The following TTN variants were observed in gnomAD, a reference collection of about 807,000 sequenced individuals.
TTN encodes the protein titin.
TTN carries 1,525 observed loss-of-function variants against 3,223.0 expected under a neutral mutation model. The ratio of observed to expected loss-of-function variants is 0.47; its 90% CI spans 0.45 to 0.49. The LOEUF (loss-of-function observed/expected upper bound fraction) is 0.49, where lower values mean the gene tolerates loss of function less well. Among genes scored for constraint, TTN ranks in the 20% least tolerant of loss-of-function variants. TTN has a pLI of 0.00. For missense variants in TTN, 40,786 were observed against 43,424.0 expected (o/e 0.94, Z 5.40); for synonymous variants, 14,094 against 15,161.0 (o/e 0.93, Z 5.17).
At position 178,612,719 on chromosome 2, in the gene TTN, T is replaced by G. The variant is rs1201881086; in HGVS notation, c.49948+54A>C. 12 of 1,562,676 alleles carry G rather than the reference T, an allele frequency of 7.7e-6. No homozygotes were observed. In the Admixed American group the frequency reaches 2.1e-4, roughly 28 times the overall value. On this transcript the variant is annotated intron_variant, in intron 265 of 362. Transcript: ENST00000589042. Reference sequence around the variant, plus strand: ...TTTTCATATTTTCTCATATCGTAGCTCACAGGCAGATATTAGAAGAATTTA... The same window carrying G: ...TTTTCATATTTTCTCATATCGTAGCGCACAGGCAGATATTAGAAGAATTTA...
chr2:178,547,111 CAGTT>C lies in TTN; in HGVS notation c.94410_94413del (p.Thr31471ValfsTer2). 1 of 1,613,780 alleles carries C rather than the reference CAGTT, an allele frequency of 6.2e-7. No individual in the cohort carries two copies. The highest frequency in any genetic ancestry group is 8.5e-7 in the Non-Finnish European group (1 of 1,179,744). ...TGATATTCCAGTCCTTCTACTAAAC[CAGTT>C]ACTTTGTAGTTGCACTCTAAGCATG... On this transcript the variant is annotated frameshift_variant, in exon 340 of 363. Transcript: ENST00000589042. LOFTEE classifies it high-confidence loss of function.
Position 178,696,096 on chromosome 2 carries a change from C to A in TTN, c.30976G>T (p.Val10326Leu). 6.4e-7 allele frequency: 1 copy of A among 1,551,330 alleles called. No individual in the cohort carries two copies. Among genetic ancestry groups the A allele is most frequent in the Non-Finnish European group, 8.7e-7 (1 of 1,146,758 alleles). Residue 10326 changes from valine (V) to leucine (L), a missense_variant, in exon 114 of 363, where the codon GTA becomes TTA. By Grantham distance (32) the Val-to-Leu change is conservative. Coordinates refer to ENST00000589042, the MANE Select transcript of TTN (RefSeq NM_001267550.2). ...SFEEPYDELE[V>L]EPYTEPFEQP... Reference sequence around the variant, plus strand: ...TCAAATGGCTCTGTGTATGGTTCTACCTCCAGTTCGTCATAAGGTTCTTCG... The same window carrying A: ...TCAAATGGCTCTGTGTATGGTTCTAACTCCAGTTCGTCATAAGGTTCTTCG...
At position 178,664,029 on chromosome 2, in the gene TTN, A is replaced by T; in HGVS notation, c.36350T>A (p.Val12117Asp). The T allele has an allele frequency of 1.2e-6, 2 of 1,613,350 alleles. No homozygotes were observed. Among genetic ancestry groups the T allele is most frequent in the Non-Finnish European group, 1.7e-6 (2 of 1,179,752 alleles). The stretch of plus-strand genomic sequence containing the variant: ...GTGACAAATACCTTTAACAGGTGGG[A>T]CTTCAGGCTTTTTAGGAGGCACCAC... ...VSVVPPKKPE[V>D]PPVKVPEASK... The change falls in exon 169 of 363, where the codon GTC becomes GAC. Residue 12117 changes from valine to aspartate, a missense_variant. Physicochemically the swap from Val to Asp is radical, Grantham distance 152. Coordinates refer to ENST00000589042, the MANE Select transcript of TTN (RefSeq NM_001267550.2).
intron 100 of TTN, among the ~76,000 whole-genome samples, chr2:178,707,292 AAAG>A (rs1449358898): frequency 6.6e-6 from 1 of 152,204 alleles, no homozygotes; most frequent in Non-Finnish European, 1.5e-5. Context: ...GATATGGTGA[AAAG>A]AAGTTCAAGA....
Position 178,727,846 on chromosome 2 carries a change from C to T in TTN, c.19732G>A (p.Val6578Met). The stretch of plus-strand genomic sequence containing the variant: ...ATGGCTTGCTGTCGCCCAGGTTTCA[C>T]TAGGAAGCTTGGTGGTTCTATAGAT... ...LTVKEPPSFL[V>M]KPGRQQAIPD... Residue 6578 changes from valine (V) to methionine (M), a missense_variant, in exon 68 of 363, where the codon GTG (valine) becomes ATG (methionine). Coordinates refer to ENST00000589042, the MANE Select transcript of TTN (RefSeq NM_001267550.2). 1 of 1,591,202 alleles carries T rather than the reference C, an allele frequency of 6.3e-7. No homozygotes were observed. The highest frequency in any genetic ancestry group is 8.5e-7 in the Non-Finnish European group (1 of 1,169,714).
rs2081058208 is a variant in TTN, at chr2:178,734,308, T to C, written c.15496+20A>G. ...AGTTTGACAATTTATTAAAGAGACA[T>C]TAGTTTTTCAAGCACTAACCTTTGA... On this transcript the variant is annotated intron_variant, in intron 52 of 362. Coordinates refer to ENST00000589042, the MANE Select transcript of TTN (RefSeq NM_001267550.2). 1 of 1,544,974 alleles carries C rather than the reference T, an allele frequency of 6.5e-7. No homozygotes were observed. Among genetic ancestry groups the C allele is most frequent in the Middle Eastern group, 1.7e-4 (1 of 5,748 alleles).
Position 178,582,081 on chromosome 2 carries a change from T to C in TTN, c.66288A>G (p.Glu22096=), listed in dbSNP as rs368297582. 9 of 1,613,082 alleles carry C rather than the reference T, an allele frequency of 5.6e-6. No homozygotes were observed. The African/African-American group carries it at 9.4e-5, about 17-fold the overall frequency. The change falls in exon 315 of 363, where the codon GAA becomes GAG. Residue 22096 remains glutamate (E), a synonymous_variant. Transcript: ENST00000589042. ...PITGYLLEKR[E]TQAVNWTKVN... is the part of the protein sequence containing the mutation. The stretch of plus-strand genomic sequence containing the variant: ...CCTTAGTCCAGTTAACAGCCTGGGT[T>C]TCCCGCTTTTCAAGCAAATAGCCAG...
intron 221 of TTN, 37 bp downstream of exon 221, chr2:178,640,504 T>G: frequency 6.4e-7 from 1 of 1,564,834 alleles, no homozygotes; most frequent in Non-Finnish European, 8.8e-7. Flanking sequence ...CATATTTGCA[T>G]TTTTAGAGAC....
chr2:178,680,660 T>G (rs1330014656), intron 138 of TTN, among the ~76,000 whole-genome samples: 2 of 151,954 alleles, frequency 1.3e-5, no homozygotes, highest in African/African-American at 4.8e-5. Context: ...ATACTTAGTA[T>G]GAATCAGGGG....
chr2:178,714,933 G>A, intron 90 of TTN, 53 bp downstream of exon 90: 4 of 1,561,634 alleles, frequency 2.6e-6, no homozygotes, highest in Non-Finnish European at 2.6e-6. Flanking sequence ...GGGCAACAGA[G>A]TATTACAATT....
At position 178,591,253 on chromosome 2, in the gene TTN, C is replaced by T. The variant is rs375009570; in HGVS notation, c.60472G>A (p.Gly20158Ser). 35 of 1,613,100 alleles carry T rather than the reference C, an allele frequency of 2.2e-5. No homozygotes were observed. The highest frequency in any genetic ancestry group is 8.9e-5 in the East Asian group (4 of 44,812). ...EYQITVSNAA[G>S]SKTVAVHLTV... ...AGATGTACGGCTACTGTTTTGCTAC[C>T]GGCTGCATTGGAAACTGTGATTTGA... Residue 20158 changes from glycine to serine, a missense_variant, in exon 304 of 363, where the codon GGT (glycine) becomes AGT (serine). Physicochemically the swap from Gly to Ser is moderately conservative, Grantham distance 56 (BLOSUM62 0). Coordinates refer to ENST00000589042, the MANE Select transcript of TTN (RefSeq NM_001267550.2).
At chr2:178,779,204 G>A in intron 23 of TTN, 25 bp downstream of exon 23, 2 of 1,612,996 alleles carry the variant, frequency 1.2e-6, no homozygotes, top group Non-Finnish European at 1.7e-6. Context: ...GTGGCAAGGA[G>A]CTATGATAAA....
rs956129765 is a variant in TTN, at chr2:178,541,297, C to T, written c.97780G>A (p.Ala32594Thr). Residue 32594 changes from alanine (A) to threonine (T), a missense_variant, in exon 350 of 363, where the codon GCC becomes ACC. Transcript: ENST00000589042. ...ATGTCCTTACCAATTGGATCCATGG[C>T]AACGATGGGTTTGGAAGGACGACTT... ...KPSRPSKPIV[A>T]MDPIAPPGKP... The T allele has an allele frequency of 4.0e-6, 6 of 1,511,238 alleles. No individual in the cohort carries two copies. The highest frequency in any genetic ancestry group is 2.7e-5 in the African/African-American group (2 of 72,826). The allele number at this position is 1,511,238 out of a possible 1,614,324, so 93.6% of individuals were successfully genotyped here. A position where few individuals can be genotyped will look rare whatever the true frequency, so the allele number is the denominator to read the frequency against.
chr2:178,640,044 T>C lies in TTN; in HGVS notation c.40786+4A>G. The C allele has an allele frequency of 6.2e-7, 1 of 1,612,158 alleles. No homozygotes were observed. Among genetic ancestry groups the C allele is most frequent in the Non-Finnish European group, 8.5e-7 (1 of 1,178,732 alleles). On this transcript the variant is annotated splice_donor_region_variant and intron_variant, in intron 222 of 362. Transcript: ENST00000589042. Reference sequence around the variant, plus strand: ...CTGTTGACATTGAGGATAAGCTTGCTCACCTGCTTCGGGCTTTGGTTTCGG... The same window carrying C: ...CTGTTGACATTGAGGATAAGCTTGCCCACCTGCTTCGGGCTTTGGTTTCGG...
rs949214217 is a variant in TTN, at chr2:178,756,712, C to T, written c.10764G>A (p.Lys3588=). ...CCTTTTGAGATATTTTGCTCTCCTC[C>T]TTTGTGAAAGAGGAATCTGCCACTG... is the stretch of plus-strand genomic sequence containing the variant. ...SQAVADSSFT[K]EESKISQKEI... The change falls in exon 46 of 363, where the codon AAG becomes AAA. Residue 3588 remains lysine (K), a synonymous_variant. Coordinates refer to ENST00000589042, the MANE Select transcript of TTN (RefSeq NM_001267550.2). 6.2e-7 allele frequency: 1 copy of T among 1,613,754 alleles called. No homozygotes were observed. The highest frequency in any genetic ancestry group is 8.5e-7 in the Non-Finnish European group (1 of 1,179,762).
Position 178,548,864 on chromosome 2 carries a change from G to A in TTN, c.92762C>T (p.Thr30921Ile), listed in dbSNP as rs1193938196. 6.2e-7 allele frequency: 1 copy of A among 1,613,528 alleles called. No homozygotes were observed. Among genetic ancestry groups the A allele is most frequent in the Admixed American group, 1.7e-5 (1 of 59,992 alleles). The change falls in exon 339 of 363, where the codon ACA becomes ATA. Residue 30921 changes from threonine (T) to isoleucine (I), a missense_variant. Thr to Ile is a moderately conservative substitution (Grantham distance 89, BLOSUM62 -1). Transcript: ENST00000589042. The surrounding 1 kb of genome is among the most constrained non-coding windows in gnomAD (Gnocchi z 4.3). ...TGCATCTATGTCTAACTCAGGAGCT[G>A]TTAACCGGTCAACTGCTTTAATTGT... ...TGTIKAVDRL[T>I]APELDIDANF...
intron 47 of TTN, chr2:178,751,745 A>G: frequency 6.2e-7 from 1 of 1,613,246 alleles, no homozygotes; most frequent in Non-Finnish European, 8.5e-7. Flanking sequence ...CTCAGCTTTT[A>G]TAATCCGACG....
At chr2:178,799,770 T>A in intron 5 of TTN, 39 bp from the exon 6 acceptor site, 1 of 1,614,172 alleles carries the variant, frequency 6.2e-7, no homozygotes, top group Non-Finnish European at 8.5e-7. Flanking sequence ...TGAGGAGGAA[T>A]AGCTGGGGAC....
At chr2:178,770,369 A>G in intron 35 of TTN, 43 bp downstream of exon 35, 2 of 1,614,132 alleles carry the variant, frequency 1.2e-6, no homozygotes, top group Non-Finnish European at 1.7e-6. Context: ...CTTAATGGTA[A>G]CCATGGGCTG....
Sources: allele counts gnomAD v4.1 joint callset (sites outside exome capture counted in the v4.1 genomes callset), GRCh38; gene constraint gnomAD v4.1.1; non-coding constraint Gnocchi (gnomAD v3.1); transcripts MANE v1.5; gene names NCBI Gene and HGNC (gene_info 2026-07-23, HGNC 2026-07-21).